Variants in UGT1A6 observed in about 807,000 individuals in gnomAD.
The protein encoded by UGT1A6 is UDP glucuronosyltransferase family 1 member A6.
In UGT1A6, 32 loss-of-function variants were observed where a neutral mutation model predicts 44.4. That is an observed-to-expected ratio of 0.72 (90% CI 0.54 to 0.97). The LOEUF (loss-of-function observed/expected upper bound fraction) is 0.97, where lower values mean the gene tolerates loss of function less well. Ranked by LOEUF, UGT1A6 falls within the 50% of genes least tolerant of loss-of-function variation. UGT1A6 has a pLI of 0.00. For missense variants in UGT1A6, 685 were observed against 661.9 expected (o/e 1.03, Z -0.38); for synonymous variants, 238 against 248.5 (o/e 0.96, Z 0.40).
rs1575864217 is a variant in UGT1A6, at chr2:233,771,774, C to G, written c.1302-488C>G. On this transcript the variant is annotated intron_variant, in intron 4 of 4. Transcript: ENST00000305139. ...TCCCTTCCTTCCTCCGTCCCTCTCTCCTTTCCTCTCTCCCTCCCTCCCTCC... is the reference window on the plus strand; with the variant it reads ...TCCCTTCCTTCCTCCGTCCCTCTCTGCTTTCCTCTCTCCCTCCCTCCCTCC... Among the ~76,000 whole-genome samples the G allele has an allele frequency of 2.6e-5, 4 of 152,102 alleles. No individual in the cohort carries two copies. The South Asian group carries it at 8.4e-4, about 32-fold the overall frequency.
intron 1 of UGT1A6, among the ~76,000 whole-genome samples, chr2:233,710,720 A>T (rs1249058463): frequency 2.0e-5 from 3 of 152,188 alleles, no homozygotes; most frequent in African/African-American, 7.2e-5. Context: ...TTCATTTTTT[A>T]AAAAACAACG....
In UGT1A6 at chr2:233,725,047, C is replaced by T. The variant is rs528406821; in HGVS notation, c.861+31182C>T. ...CCGGTCTCCACCAAAACCAGTCAGG[C>T]GTGGCGGCGCGCGCCTGCAATCGCA... On this transcript the variant is annotated intron_variant, in intron 1 of 4. Transcript: ENST00000305139. 6.6e-4 allele frequency among the ~76,000 whole-genome samples: 97 copies of T among 147,932 alleles called. 5 individuals carry two copies. The highest frequency in any genetic ancestry group is 9.2e-4 in the South Asian group (4 of 4,340).
At chr2:233,710,187 G>A (rs760238092) in intron 1 of UGT1A6, among the ~76,000 whole-genome samples, 1 of 152,152 alleles carries the variant, frequency 6.6e-6, no homozygotes, top group Admixed American at 6.5e-5. Flanking sequence ...TGGACATGTG[G>A]ATAGTTTCCA....
chr2:233,761,154 G>C, intron 1 of UGT1A6: 3 of 1,614,240 alleles, frequency 1.9e-6, no homozygotes, highest in African/African-American at 2.7e-5. Context: ...TATCCCAGGT[G>C]TGTATTGGAG....
chr2:233,770,355 G>C (rs1271934216), intron 4 of UGT1A6: 2 of 152,122 alleles, frequency 1.3e-5, no homozygotes, highest in African/African-American at 4.8e-5. Flanking sequence ...ACTATTGAAT[G>C]AATGAATGAA....
At chr2:233,716,356 C>T (rs1029133275) in intron 1 of UGT1A6, among the ~76,000 whole-genome samples, 6 of 152,180 alleles carry the variant, frequency 3.9e-5, no homozygotes, top group African/African-American at 1.4e-4. Flanking sequence ...AATGTAGATA[C>T]TTTGTGGGGC....
chr2:233,708,997 C>T (rs897190576), intron 1 of UGT1A6, among the ~76,000 whole-genome samples: 18 of 152,144 alleles, frequency 1.2e-4, no homozygotes, highest in African/African-American at 3.6e-4. Context: ...TGGCATCCTT[C>T]TCAGTGTCAT....
chr2:233,700,115 T>C (rs2075545097), intron 1 of UGT1A6, among the ~76,000 whole-genome samples: 1 of 152,244 alleles, frequency 6.6e-6, no homozygotes, highest in South Asian at 2.1e-4. Flanking sequence ...GCAAGGATCC[T>C]GTGCCCACCC....
intron 1 of UGT1A6, among the ~76,000 whole-genome samples, chr2:233,735,526 GT>G (rs2078663821): frequency 6.6e-6 from 1 of 152,088 alleles, no homozygotes. Flanking sequence ...GGTAAATATT[GT>G]TATGAGTGAA....
At chr2:233,718,861 C>T (rs755547805) in intron 1 of UGT1A6, 3 of 1,613,854 alleles carry the variant, frequency 1.9e-6, no homozygotes, top group East Asian at 2.2e-5. Flanking sequence ...CGGCTGGCCA[C>T]AGGACTGCTG....
chr2:233,713,574 C>T (rs1477870335), intron 1 of UGT1A6: 1 of 1,613,856 alleles, frequency 6.2e-7, no homozygotes. Flanking sequence ...CTCCTATATT[C>T]CTAGATTACT....
At chr2:233,718,979 C>G (rs143900667) in intron 1 of UGT1A6, 274 of 1,614,174 alleles carry the variant, frequency 1.7e-4, no homozygotes, top group East Asian at 1.0e-3. Flanking sequence ...AGCTCCATGC[C>G]AGAGGCCACC....
At chr2:233,741,132 C>G (rs1370599110) in intron 1 of UGT1A6, among the ~76,000 whole-genome samples, 1 of 151,794 alleles carries the variant, frequency 6.6e-6, no homozygotes, top group Admixed American at 6.6e-5. Flanking sequence ...AAAAGCAACA[C>G]TTTCCATTTA....
chr2:233,698,691 TA>T (rs937682275), intron 1 of UGT1A6, among the ~76,000 whole-genome samples: 1 of 152,038 alleles, frequency 6.6e-6, no homozygotes, highest in Non-Finnish European at 1.5e-5. Flanking sequence ...AATACATTTC[TA>T]AAAAAAATGT....
chr2:233,703,735 G>A (rs1441976510), intron 1 of UGT1A6, among the ~76,000 whole-genome samples: 1 of 150,928 alleles, frequency 6.6e-6, no homozygotes, highest in Admixed American at 6.6e-5. Flanking sequence ...ACTTTTTTTT[G>A]TTTTTAAATC....
chr2:233,693,845 A>G lies in UGT1A6; in HGVS notation c.841A>G (p.Lys281Glu). 1 of 1,614,152 alleles carries G rather than the reference A, an allele frequency of 6.2e-7. No individual in the cohort carries two copies. The highest frequency in any genetic ancestry group is 8.5e-7 in the Non-Finnish European group (1 of 1,180,016). Residue 281 changes from lysine to glutamate, a missense_variant, in exon 1 of 5, where the codon AAG (lysine) becomes GAG (glutamate). Coordinates refer to ENST00000305139, the MANE Select transcript of UGT1A6 (RefSeq NM_001072.4). ...CTTCATTGGAGGTATCAACTGTAAG[A>G]AGAGGAAAGACTTGTCTCAGGTTGG... ...MVFIGGINCK[K>E]RKDLSQEFEA...
chr2:233,735,494 C>T (rs1320863859), intron 1 of UGT1A6, among the ~76,000 whole-genome samples: 1 of 152,164 alleles, frequency 6.6e-6, no homozygotes, highest in Non-Finnish European at 1.5e-5. Flanking sequence ...TTAATTGCAG[C>T]ATTTAGCCCA....
chr2:233,747,429 A>G, intron 1 of UGT1A6: 8 of 1,608,684 alleles, frequency 5.0e-6, no homozygotes, highest in Non-Finnish European at 6.8e-6. Context: ...CAAACAAGAG[A>G]AATTTTTCAC....
chr2:233,713,156 CCACCAGGTGGTGGT>C, intron 1 of UGT1A6: 2 of 1,614,194 alleles, frequency 1.2e-6, no homozygotes, highest in Non-Finnish European at 1.7e-6. Flanking sequence ...ATGCGAGAGG[CCACCAGGTGGTGGT>C]CCTCACCCTG....
Sources: gnomAD v4.1 joint callset for allele counts (sites outside exome capture counted in the v4.1 genomes callset) on GRCh38, gnomAD v4.1.1 for gene constraint, MANE v1.5 for transcripts, NCBI Gene and HGNC (gene_info 2026-07-23, HGNC 2026-07-21) for gene names.